Variants in LBH observed in about 807,000 individuals in gnomAD.
LBH encodes protein LBH.
LBH carries 7 observed loss-of-function variants against 12.5 expected under a neutral mutation model. The observed-to-expected ratio is 0.56, with a 90% CI of 0.32 to 1.05. LBH has a LOEUF of 1.05. Ranked by LOEUF, LBH falls within the 50% of genes least tolerant of loss-of-function variation. LBH has a pLI of 0.04. For synonymous variants in LBH, 51 were observed against 50.1 expected (o/e 1.02, Z -0.08); for missense variants, 119 against 138.9 (o/e 0.86, Z 0.72).
chr2:30,236,270 G>C (rs1320990724), intron 2 of LBH, among the ~76,000 whole-genome samples: 1 of 152,254 alleles, frequency 6.6e-6, no homozygotes, highest in African/African-American at 2.4e-5. Context: ...CTGGACCTGA[G>C]ACTCAGGGCA....
At chr2:30,235,825 C>A (rs2103555873) in intron 2 of LBH, among the ~76,000 whole-genome samples, 1 of 152,260 alleles carries the variant, frequency 6.6e-6, no homozygotes, top group Middle Eastern at 3.4e-3. Flanking sequence ...GCTAAGGAGG[C>A]CCCTTTGTGT....
At chr2:30,251,407 C>T (rs1344565481) in intron 2 of LBH, among the ~76,000 whole-genome samples, 2 of 152,024 alleles carry the variant, frequency 1.3e-5, no homozygotes, top group Non-Finnish European at 2.9e-5. Flanking sequence ...CTCCCTTGAC[C>T]TTTCAAGTGA....
At chr2:30,257,026 TAC>T (rs1433846692) in intron 2 of LBH, among the ~76,000 whole-genome samples, 1 of 152,166 alleles carries the variant, frequency 6.6e-6, no homozygotes, top group Non-Finnish European at 1.5e-5. Context: ...TTCCGGGAGG[TAC>T]TTAATGCTGT....
intron 1 of LBH, among the ~76,000 whole-genome samples, chr2:30,233,510 C>T (rs1192372563): frequency 6.6e-6 from 1 of 152,218 alleles, no homozygotes; most frequent in Non-Finnish European, 1.5e-5. Flanking sequence ...TGCACAGGCA[C>T]GATGGTGGAA....
At chr2:30,239,737 C>T (rs1359216676) in intron 2 of LBH, among the ~76,000 whole-genome samples, 2 of 152,230 alleles carry the variant, frequency 1.3e-5, no homozygotes, top group Non-Finnish European at 2.9e-5. Flanking sequence ...GTCTCAAAAG[C>T]ACAAGTAATG....
chr2:30,239,081 G>A (rs554946665), intron 2 of LBH, among the ~76,000 whole-genome samples: 52 of 152,058 alleles, frequency 3.4e-4, no homozygotes, highest in African/African-American at 1.3e-3. Flanking sequence ...AGTAGAGACG[G>A]GGTCTCTCCA....
At chr2:30,245,072 A>G (rs534220005) in intron 2 of LBH, among the ~76,000 whole-genome samples, 48 of 152,348 alleles carry the variant, frequency 3.2e-4, no homozygotes, top group Middle Eastern at 6.8e-3. Context: ...ATCATTTTGT[A>G]TGCATAAATA....
At chr2:30,235,711 TAGAA>T (rs1045466609) in intron 2 of LBH, among the ~76,000 whole-genome samples, 5 of 150,186 alleles carry the variant, frequency 3.3e-5, no homozygotes, top group East Asian at 2.0e-4. Context: ...AAAAATCAAA[TAGAA>T]AGCCAGGGAG....
intron 1 of LBH, 68 bp from the exon 2 acceptor site, chr2:30,234,337 A>C: frequency 1.7e-6 from 2 of 1,160,064 alleles, no homozygotes; most frequent in Non-Finnish European, 2.6e-6. Context: ...CACAGCAGTG[A>C]ATGCATGAAG....
At chr2:30,241,871 C>A (rs925258326) in intron 2 of LBH, among the ~76,000 whole-genome samples, 2 of 152,164 alleles carry the variant, frequency 1.3e-5, no homozygotes, top group Non-Finnish European at 2.9e-5. Context: ...TGTGCACTTA[C>A]GTTTTTATGT....
intron 2 of LBH, among the ~76,000 whole-genome samples, chr2:30,245,575 C>T (rs1677856711): frequency 6.6e-6 from 1 of 152,166 alleles, no homozygotes; most frequent in Non-Finnish European, 1.5e-5. Flanking sequence ...CCTAGATATT[C>T]TTTGGACACT....
In LBH at chr2:30,259,130, A is replaced by T. The variant is rs1238891623; in HGVS notation, c.*1509A>T. 1 of 152,752 alleles carries T rather than the reference A, an allele frequency of 6.5e-6. No individual in the cohort carries two copies. Among genetic ancestry groups the T allele is most frequent in the African/African-American group, 2.4e-5 (1 of 41,464 alleles). 9.5% of individuals were successfully genotyped at this position (152,752 alleles called of 1,614,324 possible). ...AACTCGGCCAACCAAGGCACGCAGC[A>T]TGTCCCCTCAGGTCTCCAGTCAGTC... On this transcript the variant is annotated 3_prime_UTR_variant, in exon 3 of 3. Transcript: ENST00000395323.
At chr2:30,237,891 G>C (rs1677715458) in intron 2 of LBH, among the ~76,000 whole-genome samples, 1 of 152,154 alleles carries the variant, frequency 6.6e-6, no homozygotes, top group Admixed American at 6.5e-5. Flanking sequence ...ATTTTGGGCA[G>C]GCAGGCTGTG....
chr2:30,233,363 C>A (rs990348240), intron 1 of LBH, among the ~76,000 whole-genome samples: 1 of 152,216 alleles, frequency 6.6e-6, no homozygotes, highest in Non-Finnish European at 1.5e-5. Flanking sequence ...GAGCCTAGAA[C>A]CTATTGCTTC....
intron 2 of LBH, among the ~76,000 whole-genome samples, chr2:30,251,772 T>C (rs932228823): frequency 6.6e-6 from 1 of 152,186 alleles, no homozygotes; most frequent in Non-Finnish European, 1.5e-5. Context: ...TAAACATCAA[T>C]TTAATGTAAC....
At chr2:30,243,779 T>A (rs1677827955) in intron 2 of LBH, among the ~76,000 whole-genome samples, 1 of 152,060 alleles carries the variant, frequency 6.6e-6, no homozygotes, top group Non-Finnish European at 1.5e-5. Flanking sequence ...TCCACCTGCC[T>A]CAGCCTCCCA....
intron 2 of LBH, among the ~76,000 whole-genome samples, chr2:30,241,945 T>C (rs1476724398): frequency 1.3e-5 from 2 of 152,204 alleles, no homozygotes; most frequent in East Asian, 3.8e-4. Flanking sequence ...CAGCACTCTA[T>C]TGTGATGATT....
rs1677788349 is a variant in LBH, at chr2:30,241,460, C to CTAG, written c.129+6954_129+6955insAGT. Among the ~76,000 whole-genome samples the CTAG allele has an allele frequency of 2.3e-5, 3 of 132,630 alleles. No homozygotes were observed. The Admixed American group carries it at 2.5e-4, about 11-fold the overall frequency. 87.0% of individuals were successfully genotyped at this position (132,630 alleles called of 152,430 possible). A position where few individuals can be genotyped will look rare whatever the true frequency, so the allele number is the denominator to read the frequency against. On this transcript the variant is annotated intron_variant, in intron 2 of 2. Coordinates refer to ENST00000395323, the MANE Select transcript of LBH (RefSeq NM_030915.4). ...ATTTCTATTTTTATTTTCTTTCTTT[C>CTAG]TTTTTTTTTTTTTTTTGAGATGGTA...
At chr2:30,241,041 A>G (rs1677780464) in intron 2 of LBH, among the ~76,000 whole-genome samples, 1 of 152,212 alleles carries the variant, frequency 6.6e-6, no homozygotes, top group African/African-American at 2.4e-5. Context: ...CCTTGAACTC[A>G]TCTTCCAGCT....
Sources: gnomAD v4.1 joint callset for allele counts (sites outside exome capture counted in the v4.1 genomes callset) on GRCh38, gnomAD v4.1.1 for gene constraint, MANE v1.5 for transcripts, NCBI Gene and HGNC (gene_info 2026-07-23, HGNC 2026-07-21) for gene names.